Variants in KCNA3 observed in about 807,000 individuals in gnomAD.
KCNA3 encodes potassium voltage-gated channel subfamily A member 3, also known as RP11-284N8.3.
In KCNA3, 18 loss-of-function variants were observed where a neutral mutation model predicts 34.3. The ratio of observed to expected loss-of-function variants is 0.52; its 90% CI spans 0.36 to 0.78. The LOEUF (loss-of-function observed/expected upper bound fraction) is 0.78. Ranked by LOEUF, KCNA3 falls within the 30% of genes least tolerant of loss-of-function variation. KCNA3 has a pLI of 0.00. For missense variants in KCNA3, 587 were observed against 802.5 expected, an observed-to-expected ratio of 0.73 and a Z score of 3.24; for synonymous variants, 324 against 351.7, an observed-to-expected ratio of 0.92 and a Z score of 0.88.
chr1:110,661,328 T>C, the KCNA3 span, among the ~76,000 whole-genome samples: 2 of 152,186 alleles, frequency 1.3e-5, no homozygotes, highest in South Asian at 2.1e-4. Context: ...CTTATTGGCC[T>C]GGATTATACA....
Position 110,674,116 on chromosome 1 carries a change from G to C in KCNA3, c.694C>G (p.Pro232Ala), listed in dbSNP as rs1321726391. 3 of 1,611,682 alleles carry C rather than the reference G, an allele frequency of 1.9e-6. No individual in the cohort carries two copies. In the African/African-American group the frequency reaches 4.0e-5, roughly 22 times the overall value. The change falls in exon 1 of 1, where the codon CCG becomes GCG. Residue 232 changes from proline to alanine, a missense_variant. Physicochemically the swap from Pro to Ala is conservative, Grantham distance 27. Transcript: ENST00000369769. This position sits in a 1 kb window ranked among gnomAD's most constrained non-coding sequence, Gnocchi z 6.4. The stretch of plus-strand genomic sequence containing the variant: ...GACACGATGGCGATGCCCCGGGCCG[G>C]CCCGGAGCTCTCGGGGTACTCGAAG... ...LLFEYPESSG[P>A]ARGIAIVSVL...
At chr1:110,661,011 T>C in the KCNA3 span, among the ~76,000 whole-genome samples, 2 of 152,100 alleles carry the variant, frequency 1.3e-5, no homozygotes, top group Admixed American at 1.3e-4. Context: ...TTCTAGAAAT[T>C]TACTAACTAT....
the KCNA3 span, among the ~76,000 whole-genome samples, chr1:110,666,558 A>C: frequency 6.6e-6 from 1 of 152,214 alleles, no homozygotes; most frequent in Non-Finnish European, 1.5e-5. Context: ...CTATCCTAAA[A>C]ACAAGAAGAC....
In KCNA3 at chr1:110,672,991, T is replaced by C; in HGVS notation, c.*91A>G. The C allele has an allele frequency of 8.1e-7, 1 of 1,235,912 alleles. No individual in the cohort carries two copies. The highest frequency in any genetic ancestry group is 1.1e-6 in the Non-Finnish European group (1 of 880,866). 76.6% of individuals were successfully genotyped at this position (1,235,912 alleles called of 1,614,324 possible). A position where few individuals can be genotyped will look rare whatever the true frequency, so the allele number is the denominator to read the frequency against. The stretch of plus-strand genomic sequence containing the variant: ...TTCTTCAGGTCCTTTCCTTGATGAA[T>C]GGTCTGGAAATGTATAAAACAAGGG... On this transcript the variant is annotated 3_prime_UTR_variant, in exon 1 of 1. Coordinates refer to ENST00000369769, the MANE Select transcript of KCNA3 (RefSeq NM_002232.5).
downstream of KCNA3, among the ~76,000 whole-genome samples, chr1:110,668,203 C>T (rs941118367): frequency 1.3e-5 from 2 of 152,112 alleles, no homozygotes; most frequent in Non-Finnish European, 2.9e-5. Context: ...TATCCTCTTC[C>T]ACATTCTTAT....
the KCNA3 span, chr1:110,655,114 C>T: frequency 6.6e-6 from 1 of 151,978 alleles, no homozygotes; most frequent in African/African-American, 2.4e-5. Context: ...AGAAATACTA[C>T]ATACACTGTT....
At position 110,673,119 on chromosome 1, in the gene KCNA3, G is replaced by C; in HGVS notation, c.1691C>G (p.Ser564Cys). The C allele has an allele frequency of 6.2e-7, 1 of 1,613,762 alleles. No individual in the cohort carries two copies. The highest frequency in any genetic ancestry group is 8.5e-7 in the Non-Finnish European group (1 of 1,179,840). The change falls in exon 1 of 1, where the codon TCT (serine) becomes TGT (cysteine). Residue 564 changes from serine to cysteine, a missense_variant. This residue lies in a region of KCNA3 where 95 missense variants were observed against 107.3 expected (regional missense o/e 0.89). Transcript: ENST00000369769. The surrounding 1 kb of genome is among the most constrained non-coding windows in gnomAD (Gnocchi z 8.8). ...GAATATCTTTTTGATGTTGACACAA[G>C]AGTTGGGATTATTGTTCGTGGTGCA... ...ATCTTNNNPN[S>C]CVNIKKIFTD... is the part of the protein sequence containing the mutation.
Position 110,674,519 on chromosome 1 carries a change from G to C in KCNA3, c.291C>G (p.Gly97=), listed in dbSNP as rs751216641. ...EPLPPSLPAA[G]EQDCCGERVV... is the part of the protein sequence containing the mutation. ...CGCGCTCCCCGCAGCAGTCCTGCTC[G>C]CCCGCGGCCGGCAGTGAGGGCGGCA... The change falls in exon 1 of 1, where the codon GGC becomes GGG. Residue 97 remains glycine, a synonymous_variant. Coordinates refer to ENST00000369769, the MANE Select transcript of KCNA3 (RefSeq NM_002232.5). This position sits in a 1 kb window ranked among gnomAD's most constrained non-coding sequence, Gnocchi z 6.4. 3 of 1,610,918 alleles carry C rather than the reference G, an allele frequency of 1.9e-6. No homozygotes were observed. The highest frequency in any genetic ancestry group is 2.7e-5 in the African/African-American group (2 of 74,690).
chr1:110,664,897 G>A, the KCNA3 span, among the ~76,000 whole-genome samples: 2 of 152,150 alleles, frequency 1.3e-5, no homozygotes, highest in East Asian at 1.9e-4. Flanking sequence ...AGGCAGCCAC[G>A]CAGCTATCAG....
Position 110,673,006 on chromosome 1 carries a change from TA to T in KCNA3, c.*75del. On this transcript the variant is annotated 3_prime_UTR_variant, in exon 1 of 1. Transcript: ENST00000369769. This position sits in a 1 kb window ranked among gnomAD's most constrained non-coding sequence, Gnocchi z 8.8. ...CCTTGATGAATGGTCTGGAAATGTATAAAACAAGGGCATAGGCAGACCAAGG... is the reference window on the plus strand; with the variant it reads ...CCTTGATGAATGGTCTGGAAATGTATAAACAAGGGCATAGGCAGACCAAGG... 1 of 1,380,784 alleles carries T rather than the reference TA, an allele frequency of 7.2e-7. No homozygotes were observed. Among genetic ancestry groups the T allele is most frequent in the Non-Finnish European group, 9.9e-7 (1 of 1,006,536 alleles). The allele number at this position is 1,380,784 out of a possible 1,614,324, so 85.5% of individuals were successfully genotyped here.
Position 110,673,462 on chromosome 1 carries a change from T to C in KCNA3, c.1348A>G (p.Met450Val). ...VTMTTVGYGD[M>V]HPVTIGGKIV... ...TTGCCCCCTATGGTCACTGGGTGCA[T>C]ATCGCCGTAACCCACTGTTGTCATG... Residue 450 changes from methionine (M) to valine (V), a missense_variant, in exon 1 of 1, where the codon ATG (methionine) becomes GTG (valine). Around this residue, in one of 7 missense-constraint regions of KCNA3, gnomAD observed 84 missense variants for 223.1 expected, o/e 0.38. Transcript: ENST00000369769. This position sits in a 1 kb window ranked among gnomAD's most constrained non-coding sequence, Gnocchi z 8.8. 1 of 1,614,074 alleles carries C rather than the reference T, an allele frequency of 6.2e-7. No homozygotes were observed. The highest frequency in any genetic ancestry group is 8.5e-7 in the Non-Finnish European group (1 of 1,180,004).
At chr1:110,663,960 G>A in the KCNA3 span, among the ~76,000 whole-genome samples, 23 of 152,080 alleles carry the variant, frequency 1.5e-4, no homozygotes, top group Admixed American at 1.5e-3. Flanking sequence ...ATTTTAAAAT[G>A]TAATGTTAAT....
At chr1:110,665,322 T>TA in the KCNA3 span, among the ~76,000 whole-genome samples, 2 of 152,116 alleles carry the variant, frequency 1.3e-5, no homozygotes, top group Non-Finnish European at 2.9e-5. Context: ...GTAGAAGTGG[T>TA]ATGAAGTGGT....
the KCNA3 span, among the ~76,000 whole-genome samples, chr1:110,662,293 CAAGAA>C: frequency 3.6e-4 from 55 of 151,356 alleles, 1 homozygote; most frequent in Admixed American, 3.3e-3. Flanking sequence ...ACATATAGAA[CAAGAA>C]AAGAGAATAA....
downstream of KCNA3, among the ~76,000 whole-genome samples, chr1:110,668,763 T>C (rs148497075): frequency 2.0e-5 from 3 of 152,310 alleles, no homozygotes; most frequent in Admixed American, 1.3e-4. Flanking sequence ...CCCCAGGGTG[T>C]TGATGGGTGT....
At chr1:110,668,272 C>T (rs1422309317), downstream of KCNA3, among the ~76,000 whole-genome samples, 1 of 152,108 alleles carries the variant, frequency 6.6e-6, no homozygotes, top group Non-Finnish European at 1.5e-5. Context: ...GGCACGTGTG[C>T]TTCTTTGCAT....
the KCNA3 span, among the ~76,000 whole-genome samples, chr1:110,660,111 T>C: frequency 1.4e-4 from 22 of 152,172 alleles, no homozygotes; most frequent in Admixed American, 1.0e-3. Flanking sequence ...AATGTTCCAT[T>C]CATTATATAT....
chr1:110,665,199 G>A, the KCNA3 span, among the ~76,000 whole-genome samples: 1 of 152,230 alleles, frequency 6.6e-6, no homozygotes, highest in Non-Finnish European at 1.5e-5. Context: ...AATCACTCTG[G>A]TTATGTTGAG....
rs1262297747 is a variant in KCNA3 at position 110,673,195 on chromosome 1, G to T, written c.1615C>A (p.His539Asn). The stretch of plus-strand genomic sequence containing the variant: ...AAAGGGGTCTGGGGGAAAGCGCTAT[G>T]GTTCATACCCCCCTCTTCGATCACC... ...YMVIEEGGMN[H>N]SAFPQTPFKT... is the part of the protein sequence containing the mutation. The change falls in exon 1 of 1, where the codon CAT (histidine) becomes AAT (asparagine). Residue 539 changes from histidine (H) to asparagine (N), a missense_variant. Transcript: ENST00000369769. This position sits in a 1 kb window ranked among gnomAD's most constrained non-coding sequence, Gnocchi z 8.8. The T allele has an allele frequency of 3.1e-6, 5 of 1,614,108 alleles. No individual in the cohort carries two copies. The highest frequency in any genetic ancestry group is 4.2e-6 in the Non-Finnish European group (5 of 1,180,030).
Sources: gnomAD v4.1 joint callset for allele counts (sites outside exome capture counted in the v4.1 genomes callset) on GRCh38, gnomAD v4.1.1 for gene constraint, gnomAD v4.1.1 regional missense constraint, Gnocchi (gnomAD v3.1) non-coding constraint, MANE v1.5 for transcripts, NCBI Gene and HGNC (gene_info 2026-07-23, HGNC 2026-07-21) for gene names.